Variants in RNF121 observed in about 807,000 individuals in gnomAD.
RNF121 encodes E3 ubiquitin ligase RNF121.
RNF121 carries 21 observed loss-of-function variants against 46.5 expected under a neutral mutation model. The observed-to-expected ratio is 0.45, with a 90% CI of 0.32 to 0.65. The LOEUF (loss-of-function observed/expected upper bound fraction) is 0.65, where lower values mean the gene tolerates loss of function less well. Among genes scored for constraint, RNF121 ranks in the 30% least tolerant of loss-of-function variants. The pLI is 0.04. For missense variants in RNF121, 346 were observed against 416.0 expected, an observed-to-expected ratio of 0.83 and a Z score of 1.46; for synonymous variants, 139 against 144.7, an observed-to-expected ratio of 0.96 and a Z score of 0.28.
At chr11:71,940,886 T>C (rs1371691696) in intron 1 of RNF121, among the ~76,000 whole-genome samples, 1 of 152,200 alleles carries the variant, frequency 6.6e-6, no homozygotes, top group Non-Finnish European at 1.5e-5. Context: ...TTGAGTTCAA[T>C]AGGTAGTCAA....
At chr11:71,990,945 T>C (rs1221574381) in intron 6 of RNF121, 13 of 561,078 alleles carry the variant, frequency 2.3e-5, no homozygotes, top group Non-Finnish European at 3.1e-5. Flanking sequence ...TGGAGGCCTT[T>C]ATCATAAGCC....
chr11:71,940,441 A>C (rs532376810), intron 1 of RNF121, among the ~76,000 whole-genome samples: 1 of 152,190 alleles, frequency 6.6e-6, no homozygotes, highest in Admixed American at 6.5e-5. Context: ...TTCATGGATG[A>C]TTTGAATTTC....
intron 3 of RNF121, chr11:71,978,159 C>G (rs553789323): frequency 1.9e-4 from 85 of 452,318 alleles, no homozygotes; most frequent in Admixed American, 8.3e-4. Flanking sequence ...CCTCAGCCCC[C>G]CAATGTGCTC....
chr11:71,980,589 T>A (rs184470828), intron 3 of RNF121, among the ~76,000 whole-genome samples: 16 of 152,250 alleles, frequency 1.1e-4, no homozygotes, highest in African/African-American at 3.9e-4. Flanking sequence ...TAAGGTGATC[T>A]ACCTGCCTTG....
At chr11:71,995,708 G>T (rs556776420) in intron 8 of RNF121, among the ~76,000 whole-genome samples, 157 bp downstream of exon 8, 1 of 152,246 alleles carries the variant, frequency 6.6e-6, no homozygotes, top group East Asian at 1.9e-4. Flanking sequence ...CTGCCCCCAT[G>T]ATACAACCCC....
intron 1 of RNF121, among the ~76,000 whole-genome samples, chr11:71,942,803 T>TACACACACAC (rs141356177): frequency 6.8e-6 from 1 of 147,588 alleles, no homozygotes; most frequent in African/African-American, 2.5e-5. Context: ...TATATATATG[T>TACACACACAC]ACACACACAC....
intron 6 of RNF121, among the ~76,000 whole-genome samples, chr11:71,991,473 A>G (rs1954862208): frequency 6.6e-6 from 1 of 152,212 alleles, no homozygotes; most frequent in Non-Finnish European, 1.5e-5. Flanking sequence ...CTATTACAGT[A>G]ACAAACACAG....
At chr11:71,963,490 C>A (rs987391938) in intron 3 of RNF121, among the ~76,000 whole-genome samples, 1 of 152,008 alleles carries the variant, frequency 6.6e-6, no homozygotes, top group African/African-American at 2.4e-5. Context: ...CGTGGTGGCA[C>A]GTGCCTGTAA....
chr11:71,929,802 C>T (rs1215519197), intron 1 of RNF121, among the ~76,000 whole-genome samples: 1 of 152,092 alleles, frequency 6.6e-6, no homozygotes, highest in Non-Finnish European at 1.5e-5. Context: ...GTTGAAGAGC[C>T]CACAGTCTAG....
At chr11:71,955,676 A>G (rs537428204) in intron 1 of RNF121, among the ~76,000 whole-genome samples, 6 of 152,354 alleles carry the variant, frequency 3.9e-5, no homozygotes, top group South Asian at 2.1e-4. Flanking sequence ...TCTTGGGACA[A>G]TTAATAGATA....
intron 3 of RNF121, among the ~76,000 whole-genome samples, chr11:71,969,285 T>G (rs761826241): frequency 3.3e-5 from 5 of 152,142 alleles, no homozygotes; most frequent in East Asian, 1.9e-4. Context: ...TTGTGATATA[T>G]TCACATAATG....
chr11:71,979,757 C>T (rs756120070), intron 3 of RNF121, among the ~76,000 whole-genome samples: 2 of 152,166 alleles, frequency 1.3e-5, no homozygotes, highest in Non-Finnish European at 2.9e-5. Context: ...AGGATCTTAG[C>T]GCAGGCTGGT....
At chr11:71,951,752 G>A (rs1953887816) in intron 1 of RNF121, among the ~76,000 whole-genome samples, 1 of 152,064 alleles carries the variant, frequency 6.6e-6, no homozygotes, top group Admixed American at 6.5e-5. Flanking sequence ...TTAGCTGTCA[G>A]GGAAATGGAA....
At chr11:71,933,099 C>T (rs183791116) in intron 1 of RNF121, among the ~76,000 whole-genome samples, 3 of 152,336 alleles carry the variant, frequency 2.0e-5, no homozygotes, top group Admixed American at 6.5e-5. Context: ...CCAATCTACT[C>T]CTGGAGCTAG....
At chr11:71,937,342 C>G (rs914086934) in intron 1 of RNF121, among the ~76,000 whole-genome samples, 2 of 152,002 alleles carry the variant, frequency 1.3e-5, no homozygotes, top group Admixed American at 6.6e-5. Context: ...TTTTTTGAGA[C>G]AGAATCTTGC....
chr11:71,960,994 A>G (rs1954118208), intron 3 of RNF121, 103 bp downstream of exon 3: 3 of 1,303,360 alleles, frequency 2.3e-6, no homozygotes, highest in African/African-American at 2.9e-5. Context: ...AGGTGGAGAA[A>G]GACAATAACA....
intron 2 of RNF121, among the ~76,000 whole-genome samples, chr11:71,958,586 T>C (rs1314128646): frequency 6.6e-6 from 1 of 152,048 alleles, no homozygotes; most frequent in Non-Finnish European, 1.5e-5. Flanking sequence ...CCTGCCCAGG[T>C]GTGGTAGCTC....
At chr11:71,955,467 A>G (rs1301218734) in intron 1 of RNF121, among the ~76,000 whole-genome samples, 1 of 152,152 alleles carries the variant, frequency 6.6e-6, no homozygotes, top group Non-Finnish European at 1.5e-5. Flanking sequence ...AAAAAGAGAA[A>G]TATCCATGCT....
intron 3 of RNF121, among the ~76,000 whole-genome samples, chr11:71,978,578 CATA>C (rs1954582929): frequency 6.6e-6 from 1 of 152,184 alleles, no homozygotes; most frequent in Non-Finnish European, 1.5e-5. Flanking sequence ...ATGCAAAAGC[CATA>C]ATAAGAGCTC....
Sources: allele counts gnomAD v4.1 joint callset (sites outside exome capture counted in the v4.1 genomes callset), GRCh38; gene constraint gnomAD v4.1.1; transcripts MANE v1.5; gene names NCBI Gene and HGNC (gene_info 2026-07-23, HGNC 2026-07-21).